Variants in PAPPA2 observed in about 807,000 individuals in gnomAD.
The protein encoded by PAPPA2 is pappalysin 2.
Under a neutral mutation model 176.4 loss-of-function variants are expected in PAPPA2, and 86 were observed. The ratio of observed to expected loss-of-function variants is 0.49; its 90% CI spans 0.41 to 0.58. The LOEUF is 0.58. Among genes scored for constraint, PAPPA2 ranks in the 20% least tolerant of loss-of-function variants. PAPPA2 has a pLI of 0.00. For missense variants in PAPPA2, 2,073 were observed against 2,256.9 expected, an observed-to-expected ratio of 0.92 and a Z score of 1.65; for synonymous variants, 809 against 852.2, an observed-to-expected ratio of 0.95 and a Z score of 0.88.
intron 3 of PAPPA2, among the ~76,000 whole-genome samples, chr1:176,606,074 T>TACAC (rs1057254048): frequency 6.6e-6 from 1 of 151,450 alleles, no homozygotes; most frequent in African/African-American, 2.4e-5. Flanking sequence ...TTTATATATA[T>TACAC]ACACACACAC....
chr1:176,607,303 C>T (rs1193047779), intron 3 of PAPPA2, among the ~76,000 whole-genome samples: 6 of 152,118 alleles, frequency 3.9e-5, no homozygotes, highest in African/African-American at 7.2e-5. Flanking sequence ...TGAACAGTAG[C>T]GCTTATAGCT....
intron 3 of PAPPA2, among the ~76,000 whole-genome samples, chr1:176,667,322 C>T (rs185693254): frequency 9.1e-4 from 138 of 151,804 alleles, no homozygotes; most frequent in East Asian, 2.3e-3. Flanking sequence ...ATTCCTCAGG[C>T]GATGATAAGA....
intron 1 of PAPPA2, among the ~76,000 whole-genome samples, chr1:176,472,234 T>C (rs996167072): frequency 9.8e-5 from 15 of 152,332 alleles, no homozygotes; most frequent in Middle Eastern, 6.8e-3. Flanking sequence ...GTATTGAATG[T>C]TTCCTGTTAC....
chr1:176,626,921 C>CTATGT lies in PAPPA2; in HGVS notation c.1991+31328_1991+31332dup, dbSNP rs560776322. ...TTTTTTTTTTTTTGACAAATTTCCA[C>CTATGT]TATGTTGTCCAGGCTGGTTTCACAC... On this transcript the variant is annotated intron_variant, in intron 3 of 22. Coordinates refer to ENST00000367662, the MANE Select transcript of PAPPA2 (RefSeq NM_020318.3). Among the ~76,000 whole-genome samples, 936 of 144,032 alleles carry CTATGT rather than the reference C, an allele frequency of 6.5e-3. 18 individuals carry two copies. The highest frequency in any genetic ancestry group is 0.023 in the African/African-American group (894 of 39,046). The allele number at this position is 144,032 out of a possible 152,430, so 94.5% of individuals were successfully genotyped here. A position where few individuals can be genotyped will look rare whatever the true frequency, so the allele number is the denominator to read the frequency against.
At chr1:176,794,259 C>T (rs755841053) in intron 20 of PAPPA2, among the ~76,000 whole-genome samples, 5 of 152,084 alleles carry the variant, frequency 3.3e-5, no homozygotes, top group Non-Finnish European at 5.9e-5. Context: ...TGAGGTCCTC[C>T]GGGGTTCAAA....
At chr1:176,594,447 G>T in intron 2 of PAPPA2, 77 bp from the exon 3 acceptor site, 1 of 1,221,052 alleles carries the variant, frequency 8.2e-7, no homozygotes, top group Non-Finnish European at 1.1e-6. Context: ...TTATTTACAT[G>T]GGCTTTCTTC....
chr1:176,746,912 C>A (rs1352142646), intron 14 of PAPPA2, among the ~76,000 whole-genome samples: 1 of 152,108 alleles, frequency 6.6e-6, no homozygotes, highest in African/African-American at 2.4e-5. Context: ...TGTGTGTATT[C>A]ATGTGCGTTT....
intron 12 of PAPPA2, among the ~76,000 whole-genome samples, chr1:176,730,800 T>G (rs1031132364): frequency 6.6e-6 from 1 of 152,104 alleles, no homozygotes; most frequent in Non-Finnish European, 1.5e-5. Flanking sequence ...AGGATTTTAT[T>G]GTCATTCAGT....
intron 21 of PAPPA2, among the ~76,000 whole-genome samples, chr1:176,817,282 G>C (rs1294496191): frequency 1.3e-5 from 2 of 152,176 alleles, no homozygotes; most frequent in East Asian, 1.9e-4. Flanking sequence ...GGGCACAGGA[G>C]TTTGAAAACA....
At chr1:176,569,035 C>G (rs955963020) in intron 2 of PAPPA2, among the ~76,000 whole-genome samples, 3 of 152,218 alleles carry the variant, frequency 2.0e-5, no homozygotes, top group African/African-American at 7.2e-5. Flanking sequence ...AATAGACACA[C>G]ACATACCCAT....
chr1:176,613,151 T>A (rs1655024856), intron 3 of PAPPA2, among the ~76,000 whole-genome samples: 1 of 152,206 alleles, frequency 6.6e-6, no homozygotes, highest in East Asian at 1.9e-4. Context: ...CTCTTTCCAG[T>A]CAATCTTCAA....
intron 1 of PAPPA2, among the ~76,000 whole-genome samples, chr1:176,471,062 G>A (rs2102464794): frequency 6.6e-6 from 1 of 152,274 alleles, no homozygotes; most frequent in South Asian, 2.1e-4. Flanking sequence ...GCCTCTTTGA[G>A]TGGGATTCAT....
At chr1:176,512,881 C>T (rs1425525076) in intron 1 of PAPPA2, among the ~76,000 whole-genome samples, 1 of 152,162 alleles carries the variant, frequency 6.6e-6, no homozygotes, top group Middle Eastern at 3.2e-3. Context: ...AACAACAGGT[C>T]ATAACACAAT....
At chr1:176,688,276 C>A (rs189220118) in intron 4 of PAPPA2, among the ~76,000 whole-genome samples, 2 of 152,296 alleles carry the variant, frequency 1.3e-5, no homozygotes, top group Admixed American at 6.5e-5. Context: ...GAACAGAAAG[C>A]TGTTCTCTTA....
At chr1:176,632,197 C>A (rs1336200312) in intron 3 of PAPPA2, among the ~76,000 whole-genome samples, 1 of 151,344 alleles carries the variant, frequency 6.6e-6, no homozygotes, top group Non-Finnish European at 1.5e-5. Flanking sequence ...AAATGAACTT[C>A]AACTGAGGTT....
intron 3 of PAPPA2, chr1:176,616,315 G>T (rs1363251499): frequency 3.7e-6 from 2 of 543,546 alleles, no homozygotes; most frequent in Non-Finnish European, 7.2e-6. Context: ...TCTTTGAAGC[G>T]CAGCCGCATT....
chr1:176,830,867 G>T (rs929639357), intron 21 of PAPPA2, among the ~76,000 whole-genome samples: 9 of 152,212 alleles, frequency 5.9e-5, no homozygotes, highest in Admixed American at 6.5e-5. Flanking sequence ...CTGATGGACT[G>T]CTGCTGTTCC....
At chr1:176,617,163 T>C (rs904337397) in intron 3 of PAPPA2, among the ~76,000 whole-genome samples, 25 of 152,194 alleles carry the variant, frequency 1.6e-4, no homozygotes, top group African/African-American at 6.0e-4. Flanking sequence ...ATAGAGGTTG[T>C]GCTGTGCCTG....
chr1:176,689,684 C>T (rs1034054777), intron 4 of PAPPA2, among the ~76,000 whole-genome samples: 1 of 152,184 alleles, frequency 6.6e-6, no homozygotes, highest in South Asian at 2.1e-4. Flanking sequence ...GATCAGATTT[C>T]CTTGACTCCA....
Sources: allele counts gnomAD v4.1 joint callset (sites outside exome capture counted in the v4.1 genomes callset), GRCh38; gene constraint gnomAD v4.1.1; transcripts MANE v1.5; gene names NCBI Gene and HGNC (gene_info 2026-07-23, HGNC 2026-07-21).